Variants in CNTN6 observed in about 807,000 individuals in gnomAD.
The protein encoded by CNTN6 is contactin-6.
CNTN6 carries 137 observed loss-of-function variants against 122.8 expected under a neutral mutation model. That is an observed-to-expected ratio of 1.12 (90% CI 0.97 to 1.29). The LOEUF is 1.29. Among genes scored for constraint, CNTN6 ranks in the 50% most tolerant of loss-of-function variants. The pLI is 0.00. For synonymous variants in CNTN6, 570 were observed against 426.0 expected, an observed-to-expected ratio of 1.34 and a Z score of -4.16; for missense variants, 1,634 against 1,223.4, an observed-to-expected ratio of 1.34 and a Z score of -5.01.
intron 7 of CNTN6, among the ~76,000 whole-genome samples, chr3:1,307,732 G>A (rs1194070234): frequency 6.6e-6 from 1 of 151,968 alleles, no homozygotes; most frequent in Non-Finnish European, 1.5e-5. Context: ...AGTTTTGAGG[G>A]GTGGTGGTCA....
intron 1 of CNTN6, among the ~76,000 whole-genome samples, chr3:1,127,877 C>T (rs888133275): frequency 6.6e-6 from 1 of 151,714 alleles, no homozygotes; most frequent in Non-Finnish European, 1.5e-5. Context: ...TGTATATATA[C>T]ATGAAACACA....
chr3:1,292,718 C>T (rs758062242), intron 5 of CNTN6, among the ~76,000 whole-genome samples: 19 of 152,162 alleles, frequency 1.2e-4, no homozygotes, highest in Non-Finnish European at 4.4e-5. Flanking sequence ...CTTTCTGACA[C>T]TCTTCTTATC....
intron 10 of CNTN6, among the ~76,000 whole-genome samples, chr3:1,328,043 T>C (rs1258720465): frequency 6.6e-6 from 1 of 151,834 alleles, no homozygotes; most frequent in East Asian, 1.9e-4. Context: ...CATCAAAGCC[T>C]CATGGTTACA....
chr3:1,330,038 A>G, intron 11 of CNTN6, 103 bp downstream of exon 11: 1 of 829,758 alleles, frequency 1.2e-6, no homozygotes, highest in Non-Finnish European at 1.7e-6. Context: ...TTTATGATAA[A>G]GTCTCATTGG....
chr3:1,226,118 A>G (rs898362058), intron 3 of CNTN6, among the ~76,000 whole-genome samples: 1 of 152,144 alleles, frequency 6.6e-6, no homozygotes, highest in Non-Finnish European at 1.5e-5. Context: ...GCCTCAAGCT[A>G]TCTGCCCACC....
intron 1 of CNTN6, among the ~76,000 whole-genome samples, chr3:1,126,492 T>C (rs764312158): frequency 2.0e-5 from 3 of 151,830 alleles, no homozygotes; most frequent in Non-Finnish European, 4.4e-5. Context: ...CACTGTCTTA[T>C]TATCACATTT....
In CNTN6 at chr3:1,216,986, C is replaced by A. The variant is rs138110092; in HGVS notation, c.56-3701C>A. ...ATAATGATGGATGATGATGATGATG[C>A]TGATGATTGTCATAATTTGATGACT... On this transcript the variant is annotated intron_variant, in intron 2 of 22. Coordinates refer to ENST00000446702, the MANE Select transcript of CNTN6 (RefSeq NM_001289080.2). Among the ~76,000 whole-genome samples, 18 of 152,206 alleles carry A rather than the reference C, an allele frequency of 1.2e-4. No homozygotes were observed. In the East Asian group the frequency reaches 2.3e-3, roughly 20 times the overall value.
At chr3:1,365,583 T>A (rs115954249) in intron 12 of CNTN6, among the ~76,000 whole-genome samples, 2 of 152,102 alleles carry the variant, frequency 1.3e-5, no homozygotes, top group Non-Finnish European at 2.9e-5. Flanking sequence ...ACGAACACTG[T>A]ATGTATCAAG....
chr3:1,318,715 C>T (rs559682798), intron 7 of CNTN6, among the ~76,000 whole-genome samples: 9 of 151,660 alleles, frequency 5.9e-5, no homozygotes, highest in Non-Finnish European at 5.9e-5. Context: ...ACTAGGAGCA[C>T]GGGAGCTGGA....
intron 1 of CNTN6, among the ~76,000 whole-genome samples, chr3:1,099,612 A>G (rs2124945450): frequency 6.6e-6 from 1 of 152,294 alleles, no homozygotes; most frequent in African/African-American, 2.4e-5. Context: ...TTGAAAACTT[A>G]TACACATTAA....
At chr3:1,228,192 CAG>C (rs1312887731) in intron 4 of CNTN6, among the ~76,000 whole-genome samples, 199 bp downstream of exon 4, 3 of 151,556 alleles carry the variant, frequency 2.0e-5, no homozygotes, top group East Asian at 1.9e-4. Context: ...ATAAAAAAAA[CAG>C]GGAAAAGATC....
At chr3:1,321,982 A>G (rs1002002713) in intron 8 of CNTN6, 148 bp downstream of exon 8, 11 of 635,198 alleles carry the variant, frequency 1.7e-5, no homozygotes, top group Non-Finnish European at 3.0e-5. Flanking sequence ...CACAATGATT[A>G]GCAGATGGGA....
At chr3:1,213,202 G>A (rs900980981) in intron 2 of CNTN6, among the ~76,000 whole-genome samples, 1 of 152,170 alleles carries the variant, frequency 6.6e-6, no homozygotes, top group Admixed American at 6.5e-5. Flanking sequence ...TGGACTACAT[G>A]AAGTTTAAAC....
chr3:1,149,818 T>C (rs992587999), intron 2 of CNTN6, among the ~76,000 whole-genome samples: 13 of 152,196 alleles, frequency 8.5e-5, no homozygotes, highest in African/African-American at 3.1e-4. Context: ...ATTAACATTT[T>C]GCCCTTTAAA....
intron 20 of CNTN6, among the ~76,000 whole-genome samples, chr3:1,389,663 G>T (rs2126216528): frequency 6.6e-6 from 1 of 151,934 alleles, no homozygotes; most frequent in African/African-American, 2.4e-5. Context: ...CTGTATTCAG[G>T]AAACCCATCT....
At chr3:1,339,722 T>G (rs899655638) in intron 11 of CNTN6, among the ~76,000 whole-genome samples, 11 of 152,112 alleles carry the variant, frequency 7.2e-5, no homozygotes, top group Admixed American at 2.0e-4. Context: ...TGGGTACAGA[T>G]TTCCCTTCCT....
intron 1 of CNTN6, among the ~76,000 whole-genome samples, chr3:1,102,791 A>G (rs1185082372): frequency 6.7e-6 from 1 of 149,052 alleles, no homozygotes; most frequent in Non-Finnish European, 1.5e-5. Flanking sequence ...AGGCTATATA[A>G]TACACAGAAA....
intron 4 of CNTN6, among the ~76,000 whole-genome samples, chr3:1,265,721 G>C (rs1414727382): frequency 6.6e-6 from 1 of 152,062 alleles, no homozygotes; most frequent in Non-Finnish European, 1.5e-5. Context: ...AGACCACTTT[G>C]GTTGTCTCAA....
intron 2 of CNTN6, among the ~76,000 whole-genome samples, chr3:1,149,735 C>T (rs1035519165): frequency 1.3e-5 from 2 of 152,160 alleles, no homozygotes; most frequent in African/African-American, 2.4e-5. Flanking sequence ...CATCAAGGTG[C>T]CCCCAAATCA....
Sources: allele counts gnomAD v4.1 joint callset (sites outside exome capture counted in the v4.1 genomes callset), GRCh38; gene constraint gnomAD v4.1.1; transcripts MANE v1.5; gene names NCBI Gene and HGNC (gene_info 2026-07-23, HGNC 2026-07-21).